The following CACNA1E variants were observed in gnomAD, a reference collection of about 807,000 sequenced individuals.
The protein encoded by CACNA1E is voltage-dependent R-type calcium channel subunit alpha-1E.
Under a neutral mutation model 259.2 loss-of-function variants are expected in CACNA1E, and 40 were observed. That is an observed-to-expected ratio of 0.15 (90% CI 0.12 to 0.20). CACNA1E has a LOEUF of 0.20. Ranked by LOEUF, CACNA1E falls within the 10% of genes least tolerant of loss-of-function variation. CACNA1E has a pLI of 1.00. For synonymous variants in CACNA1E, 1,104 were observed against 1,138.5 expected (o/e 0.97, Z 0.61); for missense variants, 1,874 against 3,040.1 (o/e 0.62, Z 9.02).
At chr1:181,620,157 C>T (rs1250434452) in intron 6 of CACNA1E, among the ~76,000 whole-genome samples, 3 of 152,108 alleles carry the variant, frequency 2.0e-5, no homozygotes, top group African/African-American at 7.2e-5. Flanking sequence ...AACTGATTAG[C>T]TTCAGGGCTA....
chr1:181,662,110 G>T (rs1447643199), intron 7 of CACNA1E, among the ~76,000 whole-genome samples: 2 of 152,202 alleles, frequency 1.3e-5, no homozygotes, highest in Non-Finnish European at 2.9e-5. Flanking sequence ...GACTTTTCCT[G>T]GGTGAGTTGT....
chr1:181,783,557 G>A, intron 39 of CACNA1E, 122 bp from the exon 40 acceptor site: 1 of 595,602 alleles, frequency 1.7e-6, no homozygotes, highest in South Asian at 2.4e-5. Flanking sequence ...GCAGGGGATG[G>A]GGATCCTTGC....
At chr1:181,638,732 C>T (rs1245704359) in intron 6 of CACNA1E, among the ~76,000 whole-genome samples, 2 of 152,152 alleles carry the variant, frequency 1.3e-5, no homozygotes, top group African/African-American at 2.4e-5. Context: ...GCAGTTTCCC[C>T]CATGCTGTTC....
chr1:181,422,088 C>T (rs1658790668), intron 2 of CACNA1E, among the ~76,000 whole-genome samples: 1 of 152,222 alleles, frequency 6.6e-6, no homozygotes, highest in Non-Finnish European at 1.5e-5. Context: ...CAGATCTCAA[C>T]AGGGTTGGTT....
intron 3 of CACNA1E, among the ~76,000 whole-genome samples, chr1:181,552,299 G>T (rs1242181936): frequency 1.3e-5 from 2 of 152,170 alleles, no homozygotes; most frequent in African/African-American, 4.8e-5. Context: ...AGCAGCTGAT[G>T]CTGGGCTCTA....
chr1:181,733,166 A>C (rs1655679558), intron 20 of CACNA1E, 132 bp downstream of exon 20: 1 of 1,332,620 alleles, frequency 7.5e-7, no homozygotes, highest in Admixed American at 2.9e-5. Context: ...ACACTTTGTG[A>C]GGTATGAATA....
Position 181,724,546 on chromosome 1 carries a change from T to A in CACNA1E, c.2142+9T>A. 6.2e-7 allele frequency: 1 copy of A among 1,607,868 alleles called. No homozygotes were observed. The highest frequency in any genetic ancestry group is 8.5e-7 in the Non-Finnish European group (1 of 1,176,216). ...CCCAGGAACTGACCAAGGTAAGCAT[T>A]GTTTTCTGGGGATCTGATGTTTCTC... On this transcript the variant is annotated intron_variant, in intron 17 of 47. Transcript: ENST00000367573.
intron 1 of CACNA1E, among the ~76,000 whole-genome samples, chr1:181,349,773 G>A (rs1490569100): frequency 1.3e-5 from 2 of 152,064 alleles, no homozygotes; most frequent in African/African-American, 2.4e-5. Context: ...GGAGGAATCA[G>A]GGCTGTGTGT....
chr1:181,380,842 C>T (rs938984181), intron 1 of CACNA1E, among the ~76,000 whole-genome samples: 10 of 151,920 alleles, frequency 6.6e-5, no homozygotes, highest in Non-Finnish European at 1.3e-4. Flanking sequence ...ACCATTTTAC[C>T]CAAAATAATT....
intron 3 of CACNA1E, 141 bp downstream of exon 3, chr1:181,511,651 C>T: frequency 1.0e-6 from 1 of 969,272 alleles, no homozygotes; most frequent in South Asian, 1.5e-5. Context: ...GCTAAGATTC[C>T]CCAGGGTGCT....
chr1:181,720,696 G>A, intron 14 of CACNA1E, 87 bp from the exon 15 acceptor site: 1 of 802,626 alleles, frequency 1.2e-6, no homozygotes, highest in Non-Finnish European at 2.1e-6. Context: ...AAGGAGAAAA[G>A]AAGTGATGAA....
intron 3 of CACNA1E, among the ~76,000 whole-genome samples, chr1:181,535,905 T>G (rs1467689021): frequency 6.6e-6 from 1 of 152,198 alleles, no homozygotes; most frequent in Admixed American, 6.5e-5. Context: ...CAGGCTGGTC[T>G]TAAACTCCTG....
intron 1 of CACNA1E, among the ~76,000 whole-genome samples, chr1:181,487,696 G>A (rs968435589): frequency 2.0e-5 from 3 of 152,138 alleles, no homozygotes; most frequent in African/African-American, 4.8e-5. Flanking sequence ...ATGCTTACCA[G>A]CTCTCACTGT....
At position 181,771,249 on chromosome 1, in the gene CACNA1E, C is replaced by T. The variant is rs1213564866; in HGVS notation, c.4882-44C>T. ...ACCCTCATGTGCTGGACACATCACACAGCTTGGTAATGCTCACTGTTTTCT... is the reference window on the plus strand; with the variant it reads ...ACCCTCATGTGCTGGACACATCACATAGCTTGGTAATGCTCACTGTTTTCT... On this transcript the variant is annotated intron_variant, in intron 35 of 47. Coordinates refer to ENST00000367573, the MANE Select transcript of CACNA1E (RefSeq NM_001205293.3). The T allele has an allele frequency of 4.5e-6, 5 of 1,117,698 alleles. No homozygotes were observed. The Admixed American group carries it at 6.0e-5, about 13-fold the overall frequency. 69.2% of individuals were successfully genotyped at this position (1,117,698 alleles called of 1,614,324 possible).
intron 3 of CACNA1E, among the ~76,000 whole-genome samples, chr1:181,522,918 T>G (rs1667097872): frequency 6.6e-6 from 1 of 152,228 alleles, no homozygotes; most frequent in Non-Finnish European, 1.5e-5. Flanking sequence ...CGTGTTAGCT[T>G]CTTCCTCCCT....
intron 1 of CACNA1E, among the ~76,000 whole-genome samples, chr1:181,372,136 G>A (rs1342416795): frequency 1.3e-5 from 2 of 152,196 alleles, no homozygotes; most frequent in Non-Finnish European, 2.9e-5. Flanking sequence ...TGTGAAAAAT[G>A]ACATTGGTAG....
intron 3 of CACNA1E, among the ~76,000 whole-genome samples, chr1:181,528,461 A>G (rs1465013828): frequency 6.6e-6 from 1 of 152,220 alleles, no homozygotes; most frequent in Non-Finnish European, 1.5e-5. Flanking sequence ...CTGAAAAGAT[A>G]CCTGAAAATG....
At chr1:181,626,324 G>A (rs1300354679) in intron 6 of CACNA1E, among the ~76,000 whole-genome samples, 3 of 152,136 alleles carry the variant, frequency 2.0e-5, no homozygotes, top group Non-Finnish European at 2.9e-5. Context: ...ACAATAAAAC[G>A]AAGTGCAGTA....
At chr1:181,413,155 C>T (rs1162824139) in exon 2 of CACNA1E, 1 of 152,836 alleles carries the variant, frequency 6.5e-6, no homozygotes, top group Non-Finnish European at 1.5e-5. Flanking sequence ...TGATGGTGCC[C>T]GAGATGCGTG....
Sources: allele counts gnomAD v4.1 joint callset (sites outside exome capture counted in the v4.1 genomes callset), GRCh38; gene constraint gnomAD v4.1.1; transcripts MANE v1.5; gene names NCBI Gene and HGNC (gene_info 2026-07-23, HGNC 2026-07-21).